Variants in RIPOR2 observed in about 807,000 individuals in gnomAD.
RIPOR2 encodes RHO family interacting cell polarization regulator 2.
A neutral mutation model predicts 114.5 loss-of-function variants in RIPOR2; 39 were observed. That is an observed-to-expected ratio of 0.34 (90% CI 0.26 to 0.44). RIPOR2 has a LOEUF of 0.44. Ranked by LOEUF, RIPOR2 falls within the 20% of genes least tolerant of loss-of-function variation. The pLI is 1.00. For synonymous variants in RIPOR2, 445 were observed against 484.4 expected, an observed-to-expected ratio of 0.92 and a Z score of 1.07; for missense variants, 1,007 against 1,255.1, an observed-to-expected ratio of 0.80 and a Z score of 2.99.
intron 7 of RIPOR2, among the ~76,000 whole-genome samples, chr6:24,864,882 G>A (rs1341496491): frequency 1.3e-5 from 2 of 152,150 alleles, no homozygotes; most frequent in East Asian, 1.9e-4. Context: ...AACTAGGCTC[G>A]ATTTACACTA....
At chr6:24,825,658 G>A (rs551024914) in intron 18 of RIPOR2, among the ~76,000 whole-genome samples, 2 of 152,268 alleles carry the variant, frequency 1.3e-5, no homozygotes, top group East Asian at 3.9e-4. Context: ...AAGTGAAGGT[G>A]GGTTTCTATC....
chr6:25,025,351 A>G (rs1353295120), intron 1 of RIPOR2, among the ~76,000 whole-genome samples: 1 of 152,102 alleles, frequency 6.6e-6, no homozygotes, highest in African/African-American at 2.4e-5. Context: ...CTATTTGGAG[A>G]TAGTACTTTG....
At chr6:25,010,045 G>A (rs1014310478) in intron 1 of RIPOR2, among the ~76,000 whole-genome samples, 1 of 152,212 alleles carries the variant, frequency 6.6e-6, no homozygotes, top group Non-Finnish European at 1.5e-5. Context: ...GAAAACTGGA[G>A]AGGAAGCAAA....
At chr6:25,035,739 A>G (rs1393616026) in intron 1 of RIPOR2, among the ~76,000 whole-genome samples, 3 of 152,106 alleles carry the variant, frequency 2.0e-5, no homozygotes, top group Non-Finnish European at 1.5e-5. Flanking sequence ...CTGTAAATTG[A>G]CGCTGGATCT....
intron 2 of RIPOR2, 90 bp from the exon 3 acceptor site, chr6:24,873,889 T>C: frequency 8.7e-7 from 1 of 1,151,336 alleles, no homozygotes; most frequent in Non-Finnish European, 1.2e-6. Context: ...CTTGTTTGTT[T>C]TAGAGACAAA....
chr6:25,013,892 G>A (rs9467377), intron 1 of RIPOR2, among the ~76,000 whole-genome samples: 5,870 of 152,178 alleles, frequency 0.039, 132 homozygotes, highest in Middle Eastern at 0.088. Flanking sequence ...CACTTTCTTC[G>A]TTGCCTTTTT....
chr6:24,900,328 T>C (rs1287818964), intron 1 of RIPOR2, among the ~76,000 whole-genome samples: 1 of 152,236 alleles, frequency 6.6e-6, no homozygotes, highest in Non-Finnish European at 1.5e-5. Context: ...ATCTATAAAA[T>C]GGAGTAATTA....
In RIPOR2 at chr6:25,005,694, G is replaced by GAT. The variant is rs34057286; in HGVS notation, c.76+36155_76+36156dup. Among the ~76,000 whole-genome samples, 311 of 45,278 alleles carry GAT rather than the reference G, an allele frequency of 6.9e-3. 9 individuals carry two copies. Among genetic ancestry groups the GAT allele is most frequent in the Non-Finnish European group, 8.0e-3 (140 of 17,472 alleles). 29.7% of individuals were successfully genotyped at this position (45,278 alleles called of 152,430 possible). ...GTTTCAAAAATAAAATCCCTATGGA[G>GAT]ATATATATATATATATATATATATA... On this transcript the variant is annotated intron_variant, in intron 1 of 13. Coordinates refer to the RIPOR2 transcript ENST00000510784.
chr6:25,005,427 C>T (rs1020980798), intron 1 of RIPOR2, among the ~76,000 whole-genome samples: 1 of 151,934 alleles, frequency 6.6e-6, no homozygotes, highest in African/African-American at 2.4e-5. Context: ...ATCTATACAA[C>T]AATGATATTT....
intron 1 of RIPOR2, among the ~76,000 whole-genome samples, chr6:24,990,685 G>A (rs1427929922): frequency 6.8e-6 from 1 of 146,346 alleles, no homozygotes; most frequent in Non-Finnish European, 1.5e-5. Flanking sequence ...TGCATTGTTT[G>A]AGAACATTCA....
intron 1 of RIPOR2, among the ~76,000 whole-genome samples, chr6:24,921,147 C>A (rs966462957): frequency 1.3e-5 from 2 of 152,024 alleles, no homozygotes; most frequent in African/African-American, 4.8e-5. Flanking sequence ...TCCCCAAAAC[C>A]TCTTAGATCT....
rs928429124 is a variant in RIPOR2 at position 24,875,733 on chromosome 6, T to G, written c.146A>C (p.Gln49Pro). ...PGGPNGIIRS[Q>P]SFAGFSGLQE... is the part of the protein sequence containing the mutation. ...GAGGCCGCTGAAACCCGCAAAGGAC[T>G]GGCTTCTAATGATCCCATTGGGCCC... Residue 49 changes from glutamine to proline, a missense_variant, in exon 2 of 22, where the codon CAG becomes CCG. Physicochemically the swap from Gln to Pro is moderately conservative, Grantham distance 76. Coordinates refer to ENST00000643898, the MANE Select transcript of RIPOR2 (RefSeq NM_001286445.3). 1 of 1,613,702 alleles carries G rather than the reference T, an allele frequency of 6.2e-7. No homozygotes were observed. The highest frequency in any genetic ancestry group is 8.5e-7 in the Non-Finnish European group (1 of 1,179,788).
rs1330249115 is a variant in RIPOR2 at position 24,858,545 on chromosome 6, G to A, written c.715+2428C>T. 6.6e-6 allele frequency among the ~76,000 whole-genome samples: 1 copy of A among 152,166 alleles called. No homozygotes were observed. Among genetic ancestry groups the A allele is most frequent in the Non-Finnish European group, 1.5e-5 (1 of 68,026 alleles). ...GAGGTTTCCCTTTCTCTTTATGGAG[G>A]AAGAGAAAGATTTCCATGGGGGTGT... On this transcript the variant is annotated intron_variant, in intron 8 of 21. Coordinates refer to ENST00000643898, the MANE Select transcript of RIPOR2 (RefSeq NM_001286445.3). The surrounding 1 kb of genome is among the most constrained non-coding windows in gnomAD (Gnocchi z 4.0).
At chr6:24,977,500 A>G (rs1238994153) in intron 1 of RIPOR2, among the ~76,000 whole-genome samples, 2 of 152,220 alleles carry the variant, frequency 1.3e-5, no homozygotes, top group East Asian at 3.8e-4. Flanking sequence ...GATACATAAC[A>G]GGAAACGGAG....
At chr6:24,828,092 C>A in intron 18 of RIPOR2, 45 bp downstream of exon 18, 1 of 1,452,412 alleles carries the variant, frequency 6.9e-7, no homozygotes, top group South Asian at 1.4e-5. Context: ...AGAGATAACG[C>A]CAAATTGAGC....
chr6:25,006,937 T>A (rs966463273), intron 1 of RIPOR2, among the ~76,000 whole-genome samples: 1 of 152,238 alleles, frequency 6.6e-6, no homozygotes, highest in East Asian at 1.9e-4. Context: ...GTGGTGTGCC[T>A]GCTGGGACCC....
At chr6:24,975,036 TAATG>T (rs1773977286) in intron 1 of RIPOR2, among the ~76,000 whole-genome samples, 1 of 152,160 alleles carries the variant, frequency 6.6e-6, no homozygotes, top group Non-Finnish European at 1.5e-5. Context: ...GGGTTTCTTT[TAATG>T]GTAATAAAAA....
intron 1 of RIPOR2, among the ~76,000 whole-genome samples, chr6:24,991,733 AT>A (rs1317434774): frequency 1.3e-5 from 2 of 152,144 alleles, no homozygotes; most frequent in Non-Finnish European, 1.5e-5. Context: ...TCCCAGACCC[AT>A]ATCCAAACCT....
chr6:24,974,847 G>A (rs754040636), intron 1 of RIPOR2, among the ~76,000 whole-genome samples: 1 of 152,170 alleles, frequency 6.6e-6, no homozygotes, highest in Non-Finnish European at 1.5e-5. Flanking sequence ...CTACAGCATA[G>A]ATGAACCATT....
Sources: allele counts gnomAD v4.1 joint callset (sites outside exome capture counted in the v4.1 genomes callset), GRCh38; gene constraint gnomAD v4.1.1; non-coding constraint Gnocchi (gnomAD v3.1); transcripts MANE v1.5; gene names NCBI Gene and HGNC (gene_info 2026-07-23, HGNC 2026-07-21).